ITPRID1: variants seen among roughly 807,000 people sequenced by gnomAD.
The protein encoded by ITPRID1 is protein ITPRID1.
ITPRID1 carries 96 observed loss-of-function variants against 95.4 expected under a neutral mutation model. That is an observed-to-expected ratio of 1.01 (90% CI 0.85 to 1.19). The LOEUF is 1.19. ITPRID1 is among the 50% of genes most tolerant of loss of function. ITPRID1 has a pLI of 0.00. For synonymous variants in ITPRID1, 510 were observed against 453.6 expected (o/e 1.12, Z -1.58); for missense variants, 1,339 against 1,252.9 (o/e 1.07, Z -1.04).
In ITPRID1 at chr7:31,556,062, G is replaced by A. The variant is rs566284539; in HGVS notation, c.256+1161G>A. On this transcript the variant is annotated intron_variant, in intron 5 of 14. Transcript: ENST00000615280. ...TCCCCCTAATGTTTTCTCTTGCCCC[G>A]GTTGTGGTGAGAGGCCTGGCACTGG... Among the ~76,000 whole-genome samples, 18 of 152,176 alleles carry A rather than the reference G, an allele frequency of 1.2e-4. 1 individual carries two copies. The South Asian group carries it at 3.3e-3, about 28-fold the overall frequency.
chr7:31,631,289 C>T (rs939654514), intron 10 of ITPRID1, among the ~76,000 whole-genome samples: 2 of 152,044 alleles, frequency 1.3e-5, no homozygotes, highest in Non-Finnish European at 2.9e-5. Flanking sequence ...CATATGCGTG[C>T]GTGCACACAC....
intron 10 of ITPRID1, among the ~76,000 whole-genome samples, chr7:31,630,317 T>C (rs1452309780): frequency 6.6e-6 from 1 of 151,340 alleles, no homozygotes; most frequent in African/African-American, 2.4e-5. Flanking sequence ...CCAGGAACTA[T>C]GCTAAGTGTT....
At chr7:31,644,950 T>G (rs1331318920) in intron 12 of ITPRID1, among the ~76,000 whole-genome samples, 1 of 152,240 alleles carries the variant, frequency 6.6e-6, no homozygotes, top group African/African-American at 2.4e-5. Flanking sequence ...ATTTAGTGAG[T>G]GTCTATGCTG....
rs1221075686 is a variant in ITPRID1, at chr7:31,653,834, C to G, written c.*1005C>G. On this transcript the variant is annotated 3_prime_UTR_variant, in exon 15 of 15. Coordinates refer to ENST00000615280, the MANE Select transcript of ITPRID1 (RefSeq NM_001257967.3). ...GTGAAAGAGAACACAGAAGGGAATC[C>G]GATTTAGATCAATGTTCAGACAGCC... 1 of 151,976 alleles carries G rather than the reference C, an allele frequency of 6.6e-6. No homozygotes were observed. The highest frequency in any genetic ancestry group is 2.4e-5 in the African/African-American group (1 of 41,360). 9.4% of individuals were successfully genotyped at this position (151,976 alleles called of 1,614,324 possible).
In ITPRID1 at chr7:31,543,204, T is replaced by A. The variant is rs1655881725; in HGVS notation, c.-97-6222T>A. 2.0e-5 allele frequency among the ~76,000 whole-genome samples: 3 copies of A among 152,118 alleles called. No homozygotes were observed. The South Asian group carries it at 6.2e-4, about 32-fold the overall frequency. Reference sequence around the variant, plus strand: ...AGATTTTGAGAGGTAATTATTCACCTTTAATTCCAGGGGTTCCATAAGGAA... The same window carrying A: ...AGATTTTGAGAGGTAATTATTCACCATTAATTCCAGGGGTTCCATAAGGAA... On this transcript the variant is annotated intron_variant, in intron 1 of 14. Coordinates refer to ENST00000615280, the MANE Select transcript of ITPRID1 (RefSeq NM_001257967.3).
At position 31,550,793 on chromosome 7, in the gene ITPRID1, T is replaced by A. The variant is rs1281217679; in HGVS notation, c.-24+1294T>A. ...GCAGACAGAATATCCTCACTGGTTG[T>A]GTAAGGCTGGAGGCTGAGGTCAAGT... On this transcript the variant is annotated intron_variant, in intron 2 of 14. Coordinates refer to ENST00000615280, the MANE Select transcript of ITPRID1 (RefSeq NM_001257967.3). Among the ~76,000 whole-genome samples the A allele has an allele frequency of 1.4e-5, 2 of 138,000 alleles. 1 individual carries two copies. The highest frequency in any genetic ancestry group is 3.3e-5 in the Non-Finnish European group (2 of 60,870). 90.5% of individuals were successfully genotyped at this position (138,000 alleles called of 152,430 possible).
Position 31,578,306 on chromosome 7 carries a change from C to A in ITPRID1, c.1042C>A (p.Pro348Thr), listed in dbSNP as rs758300969. The change falls in exon 9 of 15, where the codon CCT (proline) becomes ACT (threonine). Residue 348 changes from proline (P) to threonine (T), a missense_variant. Physicochemically the swap from Pro to Thr is conservative, Grantham distance 38. Transcript: ENST00000615280. Reference protein sequence around the residue: ...PCSSMPAKQAPPSCVSEGSVK... With the variant: ...PCSSMPAKQATPSCVSEGSVK... ...CTCATCTATGCCGGCCAAGCAGGCTCCTCCTTCCTGTGTGTCTGAGGGGTC... is the reference window on the plus strand; with the variant it reads ...CTCATCTATGCCGGCCAAGCAGGCTACTCCTTCCTGTGTGTCTGAGGGGTC... The A allele has an allele frequency of 4.3e-6, 7 of 1,613,890 alleles. No homozygotes were observed. In the East Asian group the frequency reaches 1.3e-4, roughly 31 times the overall value.
chr7:31,639,544 T>TTTTTTTG (rs1554298200), intron 10 of ITPRID1, among the ~76,000 whole-genome samples: 2 of 135,188 alleles, frequency 1.5e-5, no homozygotes, highest in Admixed American at 7.2e-5. Context: ...TTTTGTTTTT[T>TTTTTTTG]TTTTTTTTTT....
At chr7:31,551,405 C>T in intron 2 of ITPRID1, among the ~76,000 whole-genome samples, 1 of 143,906 alleles carries the variant, frequency 6.9e-6, no homozygotes, top group Admixed American at 7.0e-5. Context: ...ATTCAGTCTG[C>T]ATTATTCTGT....
intron 12 of ITPRID1, among the ~76,000 whole-genome samples, chr7:31,645,332 G>C (rs1165847179): frequency 6.6e-6 from 1 of 152,120 alleles, no homozygotes; most frequent in Non-Finnish European, 1.5e-5. Flanking sequence ...GTGATTACAG[G>C]AAAGTTTAAA....
In ITPRID1 at chr7:31,586,410, G is replaced by A. The variant is rs540853435; in HGVS notation, c.1228+3219G>A. Among the ~76,000 whole-genome samples, 607 of 151,826 alleles carry A rather than the reference G, an allele frequency of 4.0e-3. 2 individuals are homozygous for A. The highest frequency in any genetic ancestry group is 0.01 in the African/African-American group (428 of 41,264). On this transcript the variant is annotated intron_variant, in intron 10 of 14. Coordinates refer to ENST00000615280, the MANE Select transcript of ITPRID1 (RefSeq NM_001257967.3). The stretch of plus-strand genomic sequence containing the variant: ...TGTAGTTCTAGATCCCTGAGGAGTC[G>A]CCACACTGACTTCCACAATGGTTGA...
chr7:31,658,417 A>T, downstream of ITPRID1: 1 of 1,482,198 alleles, frequency 6.7e-7, no homozygotes, highest in Non-Finnish European at 8.9e-7. Flanking sequence ...TGAGAAAATA[A>T]TCAGTTTCCA....
At chr7:31,549,163 G>C (rs1374252439) in intron 1 of ITPRID1, among the ~76,000 whole-genome samples, 1 of 152,106 alleles carries the variant, frequency 6.6e-6, no homozygotes, top group Non-Finnish European at 1.5e-5. Context: ...GGAGCTACAG[G>C]CTCTAATTAT....
At chr7:31,586,475 A>G (rs961389791) in intron 10 of ITPRID1, among the ~76,000 whole-genome samples, 6 of 151,444 alleles carry the variant, frequency 4.0e-5, no homozygotes, top group African/African-American at 1.5e-4. Context: ...AAGTATTCCT[A>G]TTTCTCCACA....
chr7:31,614,857 C>T lies in ITPRID1; in HGVS notation c.1229-27319C>T, dbSNP rs77248917. Among the ~76,000 whole-genome samples the T allele has an allele frequency of 6.3e-3, 958 of 152,096 alleles. 11 individuals are homozygous for T. The highest frequency in any genetic ancestry group is 0.022 in the African/African-American group (921 of 41,470). ...CAGCCACTGAGGAAAACTCCTGATT[C>T]GGGGGCCCCATTTATATTTTTTATC... On this transcript the variant is annotated intron_variant, in intron 10 of 14. Coordinates refer to ENST00000615280, the MANE Select transcript of ITPRID1 (RefSeq NM_001257967.3).
At chr7:31,599,655 CTT>C (rs1562598964) in intron 10 of ITPRID1, among the ~76,000 whole-genome samples, 1 of 20,998 alleles carries the variant, frequency 4.8e-5, no homozygotes, top group African/African-American at 1.5e-4. Context: ...CTTTTTCTTT[CTT>C]TCCTTTCTCT....
At chr7:31,651,647 G>A (rs1203843881) in intron 13 of ITPRID1, among the ~76,000 whole-genome samples, 1 of 152,032 alleles carries the variant, frequency 6.6e-6, no homozygotes, top group African/African-American at 2.4e-5. Flanking sequence ...GTTTTTCTTG[G>A]GGAAATAGAA....
At chr7:31,598,985 T>C (rs1037086073) in intron 10 of ITPRID1, among the ~76,000 whole-genome samples, 7 of 152,174 alleles carry the variant, frequency 4.6e-5, no homozygotes, top group Admixed American at 2.0e-4. Context: ...GGTACAACCA[T>C]TGTGCAAAGC....
At chr7:31,647,114 A>G (rs1183790861) in intron 12 of ITPRID1, among the ~76,000 whole-genome samples, 3 of 152,244 alleles carry the variant, frequency 2.0e-5, no homozygotes, top group East Asian at 3.9e-4. Flanking sequence ...AAGTGGAAAT[A>G]AGAGATTGCA....
Sources: gnomAD v4.1 joint callset for allele counts (sites outside exome capture counted in the v4.1 genomes callset) on GRCh38, gnomAD v4.1.1 for gene constraint, MANE v1.5 for transcripts, NCBI Gene and HGNC (gene_info 2026-07-23, HGNC 2026-07-21) for gene names.